Variants in TBX15 observed in about 807,000 individuals in gnomAD.
The protein encoded by TBX15 is T-box transcription factor TBX15.
TBX15 carries 18 observed loss-of-function variants against 53.9 expected under a neutral mutation model. The ratio of observed to expected loss-of-function variants is 0.33; its 90% CI spans 0.23 to 0.49. The LOEUF is 0.49. Among genes scored for constraint, TBX15 ranks in the 20% least tolerant of loss-of-function variants. The pLI, the probability that TBX15 is intolerant of heterozygous loss-of-function variation, is 0.98. For missense variants in TBX15, 692 were observed against 749.5 expected (o/e 0.92, Z 0.90); for synonymous variants, 295 against 278.0 (o/e 1.06, Z -0.61).
chr1:118,923,878 T>G (rs1473616647), intron 4 of TBX15, among the ~76,000 whole-genome samples: 2 of 152,224 alleles, frequency 1.3e-5, no homozygotes, highest in Non-Finnish European at 2.9e-5. Flanking sequence ...TTAGTACCAA[T>G]GGACATGTCA....
Position 118,931,818 on chromosome 1 carries a change from T to C in TBX15, c.220A>G (p.Thr74Ala). 6.3e-7 allele frequency: 1 copy of C among 1,579,706 alleles called. No individual in the cohort carries two copies. Among genetic ancestry groups the C allele is most frequent in the Non-Finnish European group, 8.6e-7 (1 of 1,160,470 alleles). Residue 74 changes from threonine to alanine, a missense_variant, in exon 2 of 8, where the codon ACT becomes GCT. By Grantham distance (58) the Thr-to-Ala change is moderately conservative (BLOSUM62 0). Transcript: ENST00000369429. ...LEPHPDSEQSTGSDSEVLTER... is the reference protein window; with the variant it reads ...LEPHPDSEQSAGSDSEVLTER... ...GTGAGGACCTCAGAATCTGAACCAGTGCTCTGCTCAGAATCTGCAAAATAA... is the reference window on the plus strand; with the variant it reads ...GTGAGGACCTCAGAATCTGAACCAGCGCTCTGCTCAGAATCTGCAAAATAA...
intron 1 of TBX15, among the ~76,000 whole-genome samples, chr1:118,934,346 C>G (rs2101620099): frequency 6.6e-6 from 1 of 152,194 alleles, no homozygotes; most frequent in East Asian, 1.9e-4. Context: ...AGGGAAAAGA[C>G]CGGGGGCTCA....
At chr1:118,888,316 G>C (rs1654019269) in intron 7 of TBX15, among the ~76,000 whole-genome samples, 1 of 152,164 alleles carries the variant, frequency 6.6e-6, no homozygotes, top group Non-Finnish European at 1.5e-5. Flanking sequence ...CAGCATATCT[G>C]TAACTGAGGT....
chr1:118,973,949 G>T (rs1471299192), intron 1 of TBX15, among the ~76,000 whole-genome samples: 1 of 152,208 alleles, frequency 6.6e-6, no homozygotes, highest in Admixed American at 6.5e-5. Flanking sequence ...TCTGGGTAAC[G>T]CACAGTTGTA....
At chr1:118,910,171 T>C (rs1043899517) in intron 6 of TBX15, among the ~76,000 whole-genome samples, 4 of 152,200 alleles carry the variant, frequency 2.6e-5, no homozygotes, top group South Asian at 2.1e-4. Context: ...TGTTTTGGTT[T>C]GAGGTTTGGC....
Position 118,893,336 on chromosome 1 carries a change from G to A in TBX15, c.1024+5692C>T, listed in dbSNP as rs1157314838. ...AAGGAAAGAAAGAAAGAAGAAAGAA[G>A]GAAGGAAGGAAGGAAGGAAGGAAAG... On this transcript the variant is annotated intron_variant, in intron 7 of 7. Coordinates refer to ENST00000369429, the MANE Select transcript of TBX15 (RefSeq NM_001330677.2). 8.8e-4 allele frequency among the ~76,000 whole-genome samples: 39 copies of A among 44,430 alleles called. 2 individuals are homozygous for A. The highest frequency in any genetic ancestry group is 5.2e-3 in the African/African-American group (34 of 6,558). 29.1% of individuals were successfully genotyped at this position (44,430 alleles called of 152,430 possible). A position where few individuals can be genotyped will look rare whatever the true frequency, so the allele number is the denominator to read the frequency against.
chr1:118,925,562 T>A (rs945696495), intron 3 of TBX15, among the ~76,000 whole-genome samples: 1 of 152,234 alleles, frequency 6.6e-6, no homozygotes, highest in East Asian at 1.9e-4. Flanking sequence ...AATTTTCTCA[T>A]AGCTCAGAAG....
At chr1:118,973,671 T>C (rs1657316340) in intron 1 of TBX15, among the ~76,000 whole-genome samples, 4 of 151,696 alleles carry the variant, frequency 2.6e-5, no homozygotes, top group African/African-American at 9.7e-5. Context: ...AAGAAAAAAA[T>C]GTTAACATCC....
chr1:118,953,343 G>A (rs1165493853), intron 1 of TBX15, among the ~76,000 whole-genome samples: 2 of 152,128 alleles, frequency 1.3e-5, no homozygotes, highest in Non-Finnish European at 2.9e-5. Flanking sequence ...GTACAAATAA[G>A]AAGAGATTAA....
At chr1:118,896,084 T>C (rs556326231) in intron 7 of TBX15, among the ~76,000 whole-genome samples, 1 of 152,304 alleles carries the variant, frequency 6.6e-6, no homozygotes, top group South Asian at 2.1e-4. Context: ...TATGAGATTT[T>C]TTGTAGTTTT....
intron 1 of TBX15, among the ~76,000 whole-genome samples, chr1:118,957,592 G>A (rs1249851915): frequency 6.6e-6 from 1 of 152,100 alleles, no homozygotes; most frequent in African/African-American, 2.4e-5. Flanking sequence ...TTTAACATTA[G>A]GTACATCTCC....
At chr1:118,924,621 G>C (rs1655534502) in intron 4 of TBX15, 25 bp downstream of exon 4, 1 of 1,613,796 alleles carries the variant, frequency 6.2e-7, no homozygotes, top group Non-Finnish European at 8.5e-7. Context: ...GAGAAAGAAA[G>C]GGGAGATAGG....
intron 1 of TBX15, among the ~76,000 whole-genome samples, chr1:118,983,853 C>T (rs1346970889): frequency 6.6e-6 from 1 of 152,234 alleles, no homozygotes; most frequent in Non-Finnish European, 1.5e-5. Flanking sequence ...GGCGCTTGCC[C>T]CGCGCAAACA....
chr1:118,914,382 A>G (rs1268111642), intron 5 of TBX15, among the ~76,000 whole-genome samples: 1 of 152,166 alleles, frequency 6.6e-6, no homozygotes, highest in Non-Finnish European at 1.5e-5. Context: ...ACTTCTCTAT[A>G]AAAACTAAAA....
At chr1:118,968,563 G>A (rs773907541) in intron 1 of TBX15, among the ~76,000 whole-genome samples, 2 of 152,142 alleles carry the variant, frequency 1.3e-5, no homozygotes, top group South Asian at 4.1e-4. Flanking sequence ...TCTCAATGGT[G>A]TGTATATATA....
intron 1 of TBX15, among the ~76,000 whole-genome samples, chr1:118,945,332 T>G (rs949877009): frequency 1.3e-5 from 2 of 152,186 alleles, no homozygotes; most frequent in Non-Finnish European, 2.9e-5. Context: ...AAGTTAACTC[T>G]GATTAGTGGT....
chr1:118,895,077 G>C (rs754408739), intron 7 of TBX15, among the ~76,000 whole-genome samples: 2 of 152,080 alleles, frequency 1.3e-5, no homozygotes, highest in Admixed American at 1.3e-4. Flanking sequence ...TTCTTTCCCA[G>C]TATCTTACTT....
intron 7 of TBX15, among the ~76,000 whole-genome samples, chr1:118,892,235 C>A (rs1654171999): frequency 6.6e-6 from 1 of 152,108 alleles, no homozygotes; most frequent in Non-Finnish European, 1.5e-5. Flanking sequence ...TCATTCTGAT[C>A]AATAAGAACA....
intron 1 of TBX15, among the ~76,000 whole-genome samples, chr1:118,965,736 A>C (rs1316664437): frequency 6.6e-6 from 1 of 152,228 alleles, no homozygotes; most frequent in East Asian, 1.9e-4. Context: ...GAGACTTTTA[A>C]AAGAGGGGGA....
Sources: gnomAD v4.1 joint callset for allele counts (sites outside exome capture counted in the v4.1 genomes callset) on GRCh38, gnomAD v4.1.1 for gene constraint, MANE v1.5 for transcripts, NCBI Gene and HGNC (gene_info 2026-07-23, HGNC 2026-07-21) for gene names.